Variants in NKAIN3 observed in about 807,000 individuals in gnomAD.
The protein encoded by NKAIN3 is sodium/potassium-transporting ATPase subunit beta-1-interacting protein 3.
A neutral mutation model predicts 30.2 loss-of-function variants in NKAIN3; 25 were observed. The observed-to-expected ratio is 0.83, with a 90% CI of 0.60 to 1.16. NKAIN3 has a LOEUF of 1.16. NKAIN3 is among the 50% of genes most tolerant of loss of function. The pLI, the probability that NKAIN3 is intolerant of heterozygous loss-of-function variation, is 0.00. For missense variants in NKAIN3, 225 were observed against 254.1 expected, an observed-to-expected ratio of 0.89 and a Z score of 0.78; for synonymous variants, 91 against 89.6, an observed-to-expected ratio of 1.02 and a Z score of -0.09.
chr8:62,747,080 A>G lies in NKAIN3; in HGVS notation c.422A>G (p.Asp141Gly). The change falls in exon 4 of 7, where the codon GAC (aspartate) becomes GGC (glycine). Residue 141 changes from aspartate (D) to glycine (G), a missense_variant. Coordinates refer to ENST00000623646, the MANE Select transcript of NKAIN3 (RefSeq NM_001304533.3). ...TYVSVTGCIVDFQYLEVIHSA... is the reference protein window; with the variant it reads ...TYVSVTGCIVGFQYLEVIHSA... ...GTCTCTGTCACAGGCTGCATCGTTG[A>G]CTTCCAGTACCTGGAGGTCATCCAC... 6.2e-7 allele frequency: 1 copy of G among 1,613,700 alleles called. No individual in the cohort carries two copies.
chr8:62,854,238 A>G (rs1183502664), intron 4 of NKAIN3, among the ~76,000 whole-genome samples: 1 of 152,208 alleles, frequency 6.6e-6, no homozygotes, highest in East Asian at 1.9e-4. Context: ...AGCTGAGTTC[A>G]GGCCCTGAAT....
intron 5 of NKAIN3, among the ~76,000 whole-genome samples, chr8:62,921,966 T>G (rs944803020): frequency 6.6e-6 from 1 of 152,210 alleles, no homozygotes; most frequent in African/African-American, 2.4e-5. Context: ...GCACTACTTC[T>G]TCTGATATTA....
chr8:62,861,714 T>C (rs1189575800), intron 4 of NKAIN3, among the ~76,000 whole-genome samples: 1 of 152,214 alleles, frequency 6.6e-6, no homozygotes, highest in East Asian at 1.9e-4. Flanking sequence ...TGTCATCCCA[T>C]GGAGAATTTA....
At chr8:62,747,909 G>A (rs547498294) in intron 4 of NKAIN3, among the ~76,000 whole-genome samples, 2 of 152,162 alleles carry the variant, frequency 1.3e-5, no homozygotes, top group South Asian at 4.2e-4. Flanking sequence ...TAGCTTAGTA[G>A]GAATAAGAGA....
At chr8:62,870,733 CTA>C (rs1194072621) in intron 4 of NKAIN3, among the ~76,000 whole-genome samples, 3 of 140,236 alleles carry the variant, frequency 2.1e-5, no homozygotes, top group Non-Finnish European at 3.0e-5. Flanking sequence ...ATCTATATAT[CTA>C]TATATATCTA....
intron 4 of NKAIN3, among the ~76,000 whole-genome samples, chr8:62,750,761 G>A (rs530993137): frequency 6.6e-6 from 1 of 152,238 alleles, no homozygotes; most frequent in East Asian, 1.9e-4. Flanking sequence ...TCCATAGAAA[G>A]GTTGTGGATG....
intron 3 of NKAIN3, among the ~76,000 whole-genome samples, chr8:62,724,513 C>T (rs950402433): frequency 5.3e-5 from 8 of 151,956 alleles, no homozygotes; most frequent in Non-Finnish European, 1.2e-4. Flanking sequence ...AACCATTTAC[C>T]ATCCCCACTA....
intron 4 of NKAIN3, among the ~76,000 whole-genome samples, chr8:62,912,865 C>T (rs940282466): frequency 1.1e-4 from 17 of 151,944 alleles, no homozygotes; most frequent in Non-Finnish European, 2.9e-5. Context: ...GCTGAGATTG[C>T]ACTATTGCAC....
At chr8:62,350,752 G>A (rs972618635) in intron 1 of NKAIN3, among the ~76,000 whole-genome samples, 3 of 151,910 alleles carry the variant, frequency 2.0e-5, no homozygotes, top group African/African-American at 4.8e-5. Flanking sequence ...GGGCAGTGGC[G>A]CAATCTTGGC....
At position 62,254,153 on chromosome 8, in the gene NKAIN3, CGTGTGTGTGTGT is replaced by C. The variant is rs10629239; in HGVS notation, c.54+5063_54+5074del. Among the ~76,000 whole-genome samples, 1,346 of 137,020 alleles carry C rather than the reference CGTGTGTGTGTGT, an allele frequency of 9.8e-3. 7 individuals are homozygous for C. Among genetic ancestry groups the C allele is most frequent in the Middle Eastern group, 0.03 (8 of 270 alleles). 89.9% of individuals were successfully genotyped at this position (137,020 alleles called of 152,430 possible). On this transcript the variant is annotated intron_variant, in intron 1 of 6. Coordinates refer to ENST00000623646, the MANE Select transcript of NKAIN3 (RefSeq NM_001304533.3). Reference sequence around the variant, plus strand: ...AAAATGAATTGTTGTGCTTGGGTATCGTGTGTGTGTGTGTGTGTGTGTGTGTGTGTGTGTGTG... The same window carrying C: ...AAAATGAATTGTTGTGCTTGGGTATCGTGTGTGTGTGTGTGTGTGTGTGTG...
chr8:62,515,027 A>T (rs1807941089), intron 1 of NKAIN3, among the ~76,000 whole-genome samples: 1 of 152,102 alleles, frequency 6.6e-6, no homozygotes, highest in East Asian at 1.9e-4. Flanking sequence ...GTCCTCCCTG[A>T]CCACCACTCC....
In NKAIN3 at chr8:62,635,386, A is replaced by C. The variant is rs537557509; in HGVS notation, c.273+45592A>C. ...TGTGAAAGTTTGAGGTAACAATTGC[A>C]AAGTCAAATCCTGTGCTTCTTAAAG... On this transcript the variant is annotated intron_variant, in intron 3 of 6. Coordinates refer to ENST00000623646, the MANE Select transcript of NKAIN3 (RefSeq NM_001304533.3). Among the ~76,000 whole-genome samples the C allele has an allele frequency of 1.1e-4, 17 of 152,264 alleles. No individual in the cohort carries two copies. The South Asian group carries it at 1.7e-3, about 15-fold the overall frequency.
intron 4 of NKAIN3, among the ~76,000 whole-genome samples, chr8:62,850,090 A>G (rs916482041): frequency 4.6e-5 from 7 of 152,148 alleles, no homozygotes; most frequent in Middle Eastern, 3.4e-3. Flanking sequence ...AAGTGATCCT[A>G]TTTCTCCAGA....
At chr8:62,713,226 C>A (rs191541063) in intron 3 of NKAIN3, among the ~76,000 whole-genome samples, 1 of 152,136 alleles carries the variant, frequency 6.6e-6, no homozygotes, top group Non-Finnish European at 1.5e-5. Context: ...ACTTGGGGTC[C>A]GCTGTCAGCT....
chr8:62,699,579 G>C (rs1814267264), intron 3 of NKAIN3, among the ~76,000 whole-genome samples: 1 of 152,192 alleles, frequency 6.6e-6, no homozygotes, highest in South Asian at 2.1e-4. Flanking sequence ...AGGGAGAAAA[G>C]AAGAGGTCTC....
At chr8:62,581,010 G>A (rs918630057) in intron 2 of NKAIN3, among the ~76,000 whole-genome samples, 43 of 150,110 alleles carry the variant, frequency 2.9e-4, no homozygotes, top group African/African-American at 1.1e-3. Flanking sequence ...GGCCAAGGCA[G>A]GAGGATCGCT....
intron 1 of NKAIN3, among the ~76,000 whole-genome samples, chr8:62,577,403 A>G (rs1257716910): frequency 6.6e-6 from 1 of 151,598 alleles, no homozygotes; most frequent in African/African-American, 2.4e-5. Flanking sequence ...TCTCTTTGAA[A>G]GTTCACCTTA....
At position 62,971,149 on chromosome 8, in the gene NKAIN3, T is replaced by C. The variant is rs1823825817; in HGVS notation, c.*5742T>C. Among the ~76,000 whole-genome samples, 1 of 152,170 alleles carries C rather than the reference T, an allele frequency of 6.6e-6. No homozygotes were observed. Among genetic ancestry groups the C allele is most frequent in the African/African-American group, 2.4e-5 (1 of 41,448 alleles). On this transcript the variant is annotated 3_prime_UTR_variant, in exon 7 of 7. Coordinates refer to ENST00000623646, the MANE Select transcript of NKAIN3 (RefSeq NM_001304533.3). ...AAATGGCTGCTGAAGCTTCAGCCAT[T>C]GGTTTTGTATTCTGGCCTTGGAGGT...
chr8:62,895,320 C>A (rs942537489), intron 4 of NKAIN3, among the ~76,000 whole-genome samples: 2 of 152,204 alleles, frequency 1.3e-5, no homozygotes, highest in African/African-American at 4.8e-5. Context: ...GCTCTGCCCT[C>A]CTTCAGCTGC....
Sources: allele counts gnomAD v4.1 joint callset (sites outside exome capture counted in the v4.1 genomes callset), GRCh38; gene constraint gnomAD v4.1.1; transcripts MANE v1.5; gene names NCBI Gene and HGNC (gene_info 2026-07-23, HGNC 2026-07-21).